The following FRMD4A variants were observed in gnomAD, a reference collection of about 807,000 sequenced individuals.
FRMD4A encodes FERM domain containing 4A, also known as FERM domain-containing protein 4A.
Under a neutral mutation model 129.1 loss-of-function variants are expected in FRMD4A, and 29 were observed. The ratio of observed to expected loss-of-function variants is 0.22; its 90% CI spans 0.17 to 0.31. The LOEUF (loss-of-function observed/expected upper bound fraction) is 0.31, where lower values mean the gene tolerates loss of function less well. Among genes scored for constraint, FRMD4A ranks in the 10% least tolerant of loss-of-function variants. FRMD4A has a pLI of 1.00. For missense variants in FRMD4A, 1,272 were observed against 1,375.8 expected, an observed-to-expected ratio of 0.92 and a Z score of 1.19; for synonymous variants, 634 against 571.6, an observed-to-expected ratio of 1.11 and a Z score of -1.56.
chr10:14,288,573 T>A (rs1010925456), intron 2 of FRMD4A, among the ~76,000 whole-genome samples: 1 of 152,188 alleles, frequency 6.6e-6, no homozygotes, highest in African/African-American at 2.4e-5. Flanking sequence ...GCAACCTTTT[T>A]AAAAAATATT....
chr10:14,125,449 G>T (rs1357573865), intron 2 of FRMD4A, among the ~76,000 whole-genome samples: 1 of 152,142 alleles, frequency 6.6e-6, no homozygotes, highest in Non-Finnish European at 1.5e-5. Context: ...ACCCTGCCAA[G>T]CAGACTGAGA....
Position 13,796,485 on chromosome 10 carries a change from G to C in FRMD4A, c.299+11C>G, listed in dbSNP as rs1240428291. The C allele has an allele frequency of 1.5e-6, 2 of 1,307,706 alleles. No individual in the cohort carries two copies. Among genetic ancestry groups the C allele is most frequent in the Non-Finnish European group, 1.1e-6 (1 of 900,526 alleles). 81.0% of individuals were successfully genotyped at this position (1,307,706 alleles called of 1,614,324 possible). Reference sequence around the variant, plus strand: ...CAAAGAAGCAAAAGTATAGACACCAGGTGTACATACCTGACACAAAAGTAT... The same window carrying C: ...CAAAGAAGCAAAAGTATAGACACCACGTGTACATACCTGACACAAAAGTAT... On this transcript the variant is annotated intron_variant, in intron 5 of 24. Coordinates refer to ENST00000357447, the MANE Select transcript of FRMD4A (RefSeq NM_018027.5).
At chr10:14,258,150 C>T (rs1003613914) in intron 2 of FRMD4A, among the ~76,000 whole-genome samples, 1 of 151,548 alleles carries the variant, frequency 6.6e-6, no homozygotes, top group African/African-American at 2.4e-5. Flanking sequence ...CACAAGAGCA[C>T]AGACACTAAA....
chr10:14,042,924 C>CAAAAAAAAAA (rs57492155), intron 2 of FRMD4A, among the ~76,000 whole-genome samples: 1 of 62,800 alleles, frequency 1.6e-5, no homozygotes, highest in African/African-American at 5.5e-5. Flanking sequence ...GACTCCATCT[C>CAAAAAAAAAA]AAAAAAAAAA....
At chr10:13,751,542 A>C (rs926353218) in intron 8 of FRMD4A, among the ~76,000 whole-genome samples, 1 of 152,126 alleles carries the variant, frequency 6.6e-6, no homozygotes, top group African/African-American at 2.4e-5. Flanking sequence ...AAACTTGGTC[A>C]CTCTACCCCC....
intron 2 of FRMD4A, among the ~76,000 whole-genome samples, chr10:13,904,907 C>T (rs906026768): frequency 1.1e-4 from 16 of 150,720 alleles, no homozygotes; most frequent in Admixed American, 6.6e-4. Context: ...GCAGGAGAAT[C>T]GCTTGAACCC....
chr10:14,026,156 G>A (rs961174737), intron 2 of FRMD4A, among the ~76,000 whole-genome samples: 6 of 152,148 alleles, frequency 3.9e-5, no homozygotes, highest in Non-Finnish European at 8.8e-5. Flanking sequence ...AGATCGAGAG[G>A]GAAATATAAA....
At chr10:13,995,928 T>C (rs1174966454) in intron 2 of FRMD4A, among the ~76,000 whole-genome samples, 1 of 152,078 alleles carries the variant, frequency 6.6e-6, no homozygotes, top group African/African-American at 2.4e-5. Context: ...GTCCTCCCTT[T>C]AAGGATGGCA....
chr10:13,669,767 C>A (rs1291842750), intron 17 of FRMD4A, among the ~76,000 whole-genome samples: 2 of 152,216 alleles, frequency 1.3e-5, no homozygotes, highest in Non-Finnish European at 2.9e-5. Context: ...AGAGTCAAGT[C>A]TTGGTTTTGT....
At chr10:13,696,508 C>T (rs1272402756) in intron 14 of FRMD4A, among the ~76,000 whole-genome samples, 2 of 152,164 alleles carry the variant, frequency 1.3e-5, no homozygotes, top group Non-Finnish European at 2.9e-5. Flanking sequence ...CTTTGGGAGG[C>T]CGAGGTGGGT....
chr10:13,998,249 A>T (rs916517862), intron 2 of FRMD4A, among the ~76,000 whole-genome samples: 3 of 151,868 alleles, frequency 2.0e-5, no homozygotes, highest in Non-Finnish European at 4.4e-5. Flanking sequence ...ACTCTTATCA[A>T]CTCTCTAGGG....
intron 2 of FRMD4A, among the ~76,000 whole-genome samples, chr10:14,296,930 G>A (rs1465095971): frequency 6.6e-6 from 1 of 152,070 alleles, no homozygotes; most frequent in Admixed American, 6.6e-5. Context: ...TCTGTGCCAG[G>A]GGAGACAACA....
intron 2 of FRMD4A, among the ~76,000 whole-genome samples, chr10:13,901,079 A>G (rs1458358291): frequency 6.6e-6 from 1 of 152,172 alleles, no homozygotes; most frequent in Non-Finnish European, 1.5e-5. Flanking sequence ...GAGGTGTGAT[A>G]AGCCATCTCA....
intron 2 of FRMD4A, among the ~76,000 whole-genome samples, chr10:14,300,198 C>G (rs1040217220): frequency 1.3e-5 from 2 of 152,038 alleles, no homozygotes; most frequent in South Asian, 2.1e-4. Flanking sequence ...CCATATCTCT[C>G]GAGTCCCCAG....
intron 2 of FRMD4A, among the ~76,000 whole-genome samples, chr10:13,912,673 C>T (rs917853991): frequency 2.0e-5 from 3 of 152,038 alleles, no homozygotes; most frequent in East Asian, 2.0e-4. Context: ...GGACTACAGG[C>T]GCCACCACCA....
intron 2 of FRMD4A, among the ~76,000 whole-genome samples, chr10:13,919,771 T>C (rs1280862467): frequency 2.0e-5 from 3 of 151,892 alleles, no homozygotes; most frequent in Non-Finnish European, 2.9e-5. Flanking sequence ...AACCCTGTCC[T>C]TACTAAAAAT....
chr10:14,206,764 G>A (rs1422653044), intron 2 of FRMD4A, among the ~76,000 whole-genome samples: 5 of 121,016 alleles, frequency 4.1e-5, no homozygotes, highest in Non-Finnish European at 6.3e-5. Flanking sequence ...CTGAGATCGC[G>A]CCACTACACT....
chr10:13,884,240 A>ACACC (rs200093883), intron 2 of FRMD4A, among the ~76,000 whole-genome samples: 2,235 of 135,180 alleles, frequency 0.017, 73 homozygotes, highest in South Asian at 0.1. Flanking sequence ...ACACACACAC[A>ACACC]CTCCCTAAAA....
intron 2 of FRMD4A, among the ~76,000 whole-genome samples, chr10:14,000,555 G>C (rs2095638214): frequency 7.1e-6 from 1 of 141,224 alleles, no homozygotes; most frequent in African/African-American, 2.6e-5. Flanking sequence ...GCTGAGGCAG[G>C]AGAACCACCT....
Sources: gnomAD v4.1 joint callset for allele counts (sites outside exome capture counted in the v4.1 genomes callset) on GRCh38, gnomAD v4.1.1 for gene constraint, MANE v1.5 for transcripts, NCBI Gene and HGNC (gene_info 2026-07-23, HGNC 2026-07-21) for gene names.